The following UBE2B variants were observed in gnomAD, a reference collection of about 807,000 sequenced individuals.
UBE2B encodes the protein ubiquitin conjugating enzyme E2 B.
A neutral mutation model predicts 24.6 loss-of-function variants in UBE2B; 11 were observed. The ratio of observed to expected loss-of-function variants is 0.45; its 90% confidence interval spans 0.28 to 0.74. UBE2B has a LOEUF of 0.74. UBE2B is among the 30% of genes least tolerant of loss of function. The pLI, the probability that UBE2B is intolerant of heterozygous loss-of-function variation, is 0.13. For missense variants in UBE2B, 78 were observed against 185.6 expected, an observed-to-expected ratio of 0.42 and a Z score of 3.37; for synonymous variants, 68 against 62.4, an observed-to-expected ratio of 1.09 and a Z score of -0.42.
chr5:134,375,797 CAAAAAAA>C (rs775635194), intron 2 of UBE2B, among the ~76,000 whole-genome samples: 372 of 29,822 alleles, frequency 0.012, no homozygotes, highest in Middle Eastern at 0.038. Flanking sequence ...GACTCCGTCT[CAAAAAAA>C]AAAAAAAAAA....
chr5:134,377,873 A>T (rs1036911477), intron 3 of UBE2B, among the ~76,000 whole-genome samples: 4 of 152,186 alleles, frequency 2.6e-5, no homozygotes, highest in African/African-American at 7.2e-5. Flanking sequence ...AACCATACTA[A>T]TAGTGATTAT....
At chr5:134,381,514 C>T (rs1408607040) in intron 4 of UBE2B, among the ~76,000 whole-genome samples, 1 of 152,128 alleles carries the variant, frequency 6.6e-6, no homozygotes, top group African/African-American at 2.4e-5. Context: ...TCAAGCAGTC[C>T]TCCCACTTTG....
chr5:134,388,922 T>C (rs2149694187), intron 5 of UBE2B: 1 of 365,974 alleles, frequency 2.7e-6, no homozygotes, highest in Non-Finnish European at 5.2e-6. Flanking sequence ...TTTTTAAAGT[T>C]TTTTCTCTCA....
intron 3 of UBE2B, among the ~76,000 whole-genome samples, chr5:134,378,431 T>C (rs1191197779): frequency 1.3e-5 from 2 of 152,170 alleles, no homozygotes; most frequent in Non-Finnish European, 2.9e-5. Flanking sequence ...GGCTAATTTT[T>C]GTATTTTTAG....
At chr5:134,384,745 T>C (rs1758768091) in intron 4 of UBE2B, among the ~76,000 whole-genome samples, 1 of 152,210 alleles carries the variant, frequency 6.6e-6, no homozygotes, top group South Asian at 2.1e-4. Flanking sequence ...ACTTAAATTG[T>C]ACAACTCAAA....
At chr5:134,388,754 A>T (rs2149694143) in intron 5 of UBE2B, among the ~76,000 whole-genome samples, 1 of 152,328 alleles carries the variant, frequency 6.6e-6, no homozygotes, top group African/African-American at 2.4e-5. Flanking sequence ...TCTATTTTAA[A>T]AAAAGAAAGG....
In UBE2B at chr5:134,390,915, TA is replaced by T. The variant is rs1758887864; in HGVS notation, c.*565del. 1 of 155,172 alleles carries T rather than the reference TA, an allele frequency of 6.4e-6. No homozygotes were observed. Among genetic ancestry groups the T allele is most frequent in the African/African-American group, 2.4e-5 (1 of 41,484 alleles). 9.6% of individuals were successfully genotyped at this position (155,172 alleles called of 1,614,324 possible). On this transcript the variant is annotated 3_prime_UTR_variant, in exon 6 of 6. Coordinates refer to ENST00000265339, the MANE Select transcript of UBE2B (RefSeq NM_003337.4). The surrounding 1 kb of genome is among the most constrained non-coding windows in gnomAD (Gnocchi z 4.6). ...TCAAGGAAGTCTTCAAATTTGATTC[TA>T]AATAGCGATTATAATCTCCAACTTT...
intron 4 of UBE2B, among the ~76,000 whole-genome samples, chr5:134,385,237 G>A (rs558686986): frequency 6.6e-6 from 1 of 152,300 alleles, no homozygotes; most frequent in African/African-American, 2.4e-5. Flanking sequence ...CTGTGGGATG[G>A]ACAGTAAGTT....
intron 4 of UBE2B, among the ~76,000 whole-genome samples, chr5:134,387,691 T>G (rs1758829396): frequency 6.6e-6 from 1 of 152,222 alleles, no homozygotes; most frequent in African/African-American, 2.4e-5. Flanking sequence ...GCCAAACTCA[T>G]CCTTTTATCT....
At chr5:134,372,478 T>C (rs1453335810) in intron 1 of UBE2B, among the ~76,000 whole-genome samples, 1 of 152,204 alleles carries the variant, frequency 6.6e-6, no homozygotes, top group African/African-American at 2.4e-5. Flanking sequence ...CTTAGAGACA[T>C]AGAAAAAATA....
Position 134,380,816 on chromosome 5 carries a change from G to A in UBE2B, c.241+8G>A. ...AAATGTTTCATCCAAATGGTAAGTA[G>A]CATTTTATAGATTTTGCAGATGATA... On this transcript the variant is annotated splice_region_variant and intron_variant, in intron 4 of 5. Transcript: ENST00000265339. 1.9e-6 allele frequency: 3 copies of A among 1,563,934 alleles called. No individual in the cohort carries two copies. Among genetic ancestry groups the A allele is most frequent in the Non-Finnish European group, 2.6e-6 (3 of 1,135,922 alleles).
At chr5:134,376,750 A>T in intron 3 of UBE2B, 56 bp downstream of exon 3, 1 of 1,513,944 alleles carries the variant, frequency 6.6e-7, no homozygotes, top group Non-Finnish European at 9.0e-7. Flanking sequence ...TTTAGTAGAA[A>T]ATTGTAACAC....
chr5:134,388,104 C>T, intron 4 of UBE2B: 1 of 556,330 alleles, frequency 1.8e-6, no homozygotes, highest in Non-Finnish European at 3.2e-6. Flanking sequence ...GCCCAGCCTC[C>T]AGCAATTACA....
At chr5:134,383,019 G>A (rs545330495) in intron 4 of UBE2B, among the ~76,000 whole-genome samples, 37 of 151,968 alleles carry the variant, frequency 2.4e-4, no homozygotes, top group African/African-American at 8.4e-4. Context: ...ACAAAAATTA[G>A]CTGGGCATGG....
chr5:134,372,706 G>A (rs1758497087), intron 1 of UBE2B, among the ~76,000 whole-genome samples: 1 of 152,166 alleles, frequency 6.6e-6, no homozygotes, highest in Non-Finnish European at 1.5e-5. Context: ...TAGGCGTCAA[G>A]CAGTGCAGTT....
chr5:134,385,512 TC>T (rs1388544917), intron 4 of UBE2B: 2 of 152,204 alleles, frequency 1.3e-5, no homozygotes, highest in Non-Finnish European at 2.9e-5. Context: ...GCAGTTCACT[TC>T]TAGAAATTTT....
intron 1 of UBE2B, among the ~76,000 whole-genome samples, chr5:134,374,065 C>T (rs1037876886): frequency 1.1e-4 from 16 of 152,180 alleles, no homozygotes; most frequent in Non-Finnish European, 1.9e-4. Flanking sequence ...GCCATACTGT[C>T]TTCCACAATG....
At chr5:134,379,643 CAACAAAAAAAAA>C (rs1323167215) in intron 3 of UBE2B, among the ~76,000 whole-genome samples, 4 of 92,248 alleles carry the variant, frequency 4.3e-5, no homozygotes, top group African/African-American at 1.6e-4. Context: ...GACTCTGTCT[CAACAAAAAAAAA>C]AAAAAAAAAG....
intron 4 of UBE2B, among the ~76,000 whole-genome samples, chr5:134,381,825 T>G (rs1029916751): frequency 6.6e-6 from 1 of 152,286 alleles, no homozygotes; most frequent in Middle Eastern, 3.4e-3. Flanking sequence ...GCACCTGTAA[T>G]CTCAGCTACT....
Sources: allele counts gnomAD v4.1 joint callset (sites outside exome capture counted in the v4.1 genomes callset), GRCh38; gene constraint gnomAD v4.1.1; non-coding constraint Gnocchi (gnomAD v3.1); transcripts MANE v1.5; gene names NCBI Gene and HGNC (gene_info 2026-07-23, HGNC 2026-07-21).